Variants in CSMD1 observed in about 807,000 individuals in gnomAD.
CSMD1 encodes CUB and Sushi multiple domains 1.
In CSMD1, 213 loss-of-function variants were observed where a neutral mutation model predicts 417.5. The observed-to-expected ratio is 0.51, with a 90% confidence interval of 0.46 to 0.57. The LOEUF (loss-of-function observed/expected upper bound fraction) is 0.57, where lower values mean the gene tolerates loss of function less well. Ranked by LOEUF, CSMD1 falls within the 20% of genes least tolerant of loss-of-function variation. The pLI, the probability that CSMD1 is intolerant of heterozygous loss-of-function variation, is 0.00. For missense variants in CSMD1, 6,923 were observed against 4,529.7 expected, an observed-to-expected ratio of 1.53 and a Z score of -15.17; for synonymous variants, 2,862 against 1,736.8, an observed-to-expected ratio of 1.65 and a Z score of -16.11.
intron 10 of CSMD1, among the ~76,000 whole-genome samples, chr8:3,560,505 A>C (rs2116857033): frequency 6.6e-6 from 1 of 152,282 alleles, no homozygotes; most frequent in South Asian, 2.1e-4. Flanking sequence ...CCCTAGAAGA[A>C]ACCTAGACCT....
chr8:3,282,584 C>A (rs1486996425), intron 26 of CSMD1, among the ~76,000 whole-genome samples: 1 of 151,926 alleles, frequency 6.6e-6, no homozygotes, highest in East Asian at 1.9e-4. Context: ...GAGTAAAGGA[C>A]TTTTTTTCCC....
intron 2 of CSMD1, among the ~76,000 whole-genome samples, chr8:4,553,918 C>G (rs570824709): frequency 2.0e-5 from 3 of 152,124 alleles, no homozygotes; most frequent in Non-Finnish European, 2.9e-5. Flanking sequence ...ATGACTGGTT[C>G]AGCTGGAATT....
At chr8:3,291,775 C>G (rs926610541) in intron 25 of CSMD1, among the ~76,000 whole-genome samples, 1 of 151,798 alleles carries the variant, frequency 6.6e-6, no homozygotes, top group Non-Finnish European at 1.5e-5. Flanking sequence ...TCCAAAAAGT[C>G]AGCTCCTGGA....
At chr8:3,776,901 G>C (rs1348637745) in intron 5 of CSMD1, among the ~76,000 whole-genome samples, 1 of 151,172 alleles carries the variant, frequency 6.6e-6, no homozygotes, top group Non-Finnish European at 1.5e-5. Context: ...TTTTTGCAGA[G>C]ACGGGGTCTC....
rs559758049 is a variant in CSMD1, at chr8:4,172,556, G to C, written c.416-140457C>G. ...CTGCTTTGCTTGCAGTGGAAAGTGA[G>C]GCTCCACAAATCCAGAACTGTATAT... On this transcript the variant is annotated intron_variant, in intron 3 of 69. Transcript: ENST00000635120. Among the ~76,000 whole-genome samples, 5 of 152,034 alleles carry C rather than the reference G, an allele frequency of 3.3e-5. No individual in the cohort carries two copies. In the East Asian group the frequency reaches 7.7e-4, roughly 24 times the overall value.
chr8:3,094,028 T>C (rs1815129787), intron 47 of CSMD1, among the ~76,000 whole-genome samples: 1 of 152,192 alleles, frequency 6.6e-6, no homozygotes, highest in Non-Finnish European at 1.5e-5. Context: ...AACCTGAATT[T>C]ATGATATTTT....
intron 3 of CSMD1, among the ~76,000 whole-genome samples, chr8:4,047,277 G>C (rs960992561): frequency 1.3e-5 from 2 of 152,156 alleles, no homozygotes; most frequent in African/African-American, 2.4e-5. Flanking sequence ...TCTGGAGTGG[G>C]AGGAAGGGAG....
rs200003571 is a variant in CSMD1, at chr8:4,917,096, G to A, written c.85+77236C>T. On this transcript the variant is annotated intron_variant, in intron 1 of 69. Coordinates refer to ENST00000635120, the MANE Select transcript of CSMD1 (RefSeq NM_033225.6). Reference sequence around the variant, plus strand: ...GACTATCTATAGGAAGCACGGCTGTGGAGGCCTCAGTAAACTTACAGTCAT... The same window carrying A: ...GACTATCTATAGGAAGCACGGCTGTAGAGGCCTCAGTAAACTTACAGTCAT... Among the ~76,000 whole-genome samples, 8 of 152,286 alleles carry A rather than the reference G, an allele frequency of 5.3e-5. No individual in the cohort carries two copies. The East Asian group carries it at 1.2e-3, about 22-fold the overall frequency.
intron 5 of CSMD1, among the ~76,000 whole-genome samples, chr8:3,776,504 A>C (rs554689015): frequency 6.6e-5 from 10 of 152,076 alleles, no homozygotes; most frequent in Non-Finnish European, 1.0e-4. Flanking sequence ...GCTCTCTCTT[A>C]AACACCCTGG....
intron 10 of CSMD1, among the ~76,000 whole-genome samples, chr8:3,500,235 G>C (rs533106588): frequency 6.6e-6 from 1 of 152,164 alleles, no homozygotes; most frequent in Non-Finnish European, 1.5e-5. Context: ...CACTTGACAT[G>C]TGCTTACCTA....
intron 3 of CSMD1, among the ~76,000 whole-genome samples, chr8:4,383,653 G>A (rs1304306241): frequency 6.6e-6 from 1 of 152,132 alleles, no homozygotes. Context: ...TCAGTGTTCA[G>A]AGAAATATTC....
intron 3 of CSMD1, among the ~76,000 whole-genome samples, chr8:4,238,350 C>G (rs1279779463): frequency 6.6e-6 from 1 of 152,178 alleles, no homozygotes; most frequent in East Asian, 1.9e-4. Context: ...CCTCCAGCTC[C>G]CAGCAAGGAC....
In CSMD1 at chr8:4,292,474, G is replaced by C. The variant is rs562679305; in HGVS notation, c.415+127479C>G. Among the ~76,000 whole-genome samples the C allele has an allele frequency of 9.2e-5, 14 of 152,092 alleles. No homozygotes were observed. In the South Asian group the frequency reaches 1.5e-3, roughly 16 times the overall value. On this transcript the variant is annotated intron_variant, in intron 3 of 69. Transcript: ENST00000635120. ...TCACCGTGTTAGTCAGAATGGTCTC[G>C]ATCTGCTGACCTCGTAATCTGCCTG...
chr8:4,635,252 G>C (rs947287958), intron 2 of CSMD1, among the ~76,000 whole-genome samples: 3 of 152,054 alleles, frequency 2.0e-5, no homozygotes, highest in Non-Finnish European at 2.9e-5. Context: ...AGCTCTCTGA[G>C]GCACAGGTAT....
At chr8:4,955,942 T>A (rs80249081) in intron 1 of CSMD1, among the ~76,000 whole-genome samples, 11,605 of 152,274 alleles carry the variant, frequency 0.076, 657 homozygotes, top group African/African-American at 0.16. Flanking sequence ...TTCAGATGAA[T>A]GGCTGAGTTT....
intron 5 of CSMD1, among the ~76,000 whole-genome samples, chr8:3,806,954 C>T (rs1256657879): frequency 6.6e-6 from 1 of 152,116 alleles, no homozygotes; most frequent in Non-Finnish European, 1.5e-5. Context: ...TTTAATCCAA[C>T]TGCTTAATCT....
At chr8:2,984,592 C>T (rs1228958687) in intron 54 of CSMD1, among the ~76,000 whole-genome samples, 2 of 152,170 alleles carry the variant, frequency 1.3e-5, no homozygotes, top group Non-Finnish European at 2.9e-5. Flanking sequence ...CGTGATCCAC[C>T]CACCTTGGGC....
At chr8:4,988,772 G>A (rs1811311466) in intron 1 of CSMD1, among the ~76,000 whole-genome samples, 1 of 152,228 alleles carries the variant, frequency 6.6e-6, no homozygotes, top group Non-Finnish European at 1.5e-5. Flanking sequence ...TTGCAACTGA[G>A]CTCAGAAAAG....
At chr8:4,361,956 C>G (rs549451787) in intron 3 of CSMD1, among the ~76,000 whole-genome samples, 1 of 152,106 alleles carries the variant, frequency 6.6e-6, no homozygotes, top group Admixed American at 6.5e-5. Context: ...CACAGCAAGA[C>G]TCCATCTCAA....
Sources: allele counts gnomAD v4.1 joint callset (sites outside exome capture counted in the v4.1 genomes callset), GRCh38; gene constraint gnomAD v4.1.1; transcripts MANE v1.5; gene names NCBI Gene and HGNC (gene_info 2026-07-23, HGNC 2026-07-21).